The following IKZF1 variants were observed in gnomAD, a reference collection of about 807,000 sequenced individuals.
The protein encoded by IKZF1 is DNA-binding protein Ikaros.
IKZF1 carries 10 observed loss-of-function variants against 51.7 expected under a neutral mutation model. The observed-to-expected ratio is 0.19, with a 90% CI of 0.12 to 0.33. The LOEUF is 0.33. Ranked by LOEUF, IKZF1 falls within the 10% of genes least tolerant of loss-of-function variation. The pLI, the probability that IKZF1 is intolerant of heterozygous loss-of-function variation, is 1.00. For missense variants in IKZF1, 484 were observed against 707.5 expected (o/e 0.68, Z 3.58); for synonymous variants, 280 against 282.3 (o/e 0.99, Z 0.08).
intron 1 of IKZF1, among the ~76,000 whole-genome samples, chr7:50,309,335 T>C (rs1020129952): frequency 1.3e-5 from 2 of 152,202 alleles, no homozygotes; most frequent in African/African-American, 4.8e-5. Context: ...GAGAGAGCAA[T>C]GCAGTAAAAA....
At chr7:50,326,789 G>T (rs1252866738) in intron 2 of IKZF1, among the ~76,000 whole-genome samples, 2 of 152,206 alleles carry the variant, frequency 1.3e-5, no homozygotes, top group Non-Finnish European at 2.9e-5. Flanking sequence ...TGCATGCGGA[G>T]AGGGGATCAT....
In IKZF1 at chr7:50,401,551, C is replaced by T. The variant is rs75552282; in HGVS notation, c.*924C>T. ...TTGAATCTCTCAAACGGCAACATTCCTCAGAAACCAAAGCTTTATTTCAAA... is the reference window on the plus strand; with the variant it reads ...TTGAATCTCTCAAACGGCAACATTCTTCAGAAACCAAAGCTTTATTTCAAA... On this transcript the variant is annotated 3_prime_UTR_variant, in exon 8 of 8. Coordinates refer to ENST00000331340, the MANE Select transcript of IKZF1 (RefSeq NM_006060.6). 259 of 222,688 alleles carry T rather than the reference C, an allele frequency of 1.2e-3. No individual in the cohort carries two copies. The highest frequency in any genetic ancestry group is 2.0e-3 in the Non-Finnish European group (219 of 111,264). The allele number at this position is 222,688 out of a possible 1,614,324, so 13.8% of individuals were successfully genotyped here.
rs1400543831 is a variant in IKZF1, at chr7:50,401,513, ATCT to A, written c.*891_*893del. 4.5e-6 allele frequency: 1 copy of A among 224,222 alleles called. No homozygotes were observed. The highest frequency in any genetic ancestry group is 2.2e-5 in the African/African-American group (1 of 44,774). 13.9% of individuals were successfully genotyped at this position (224,222 alleles called of 1,614,324 possible). On this transcript the variant is annotated 3_prime_UTR_variant, in exon 8 of 8. Transcript: ENST00000331340. ...TTTAAACACCAGTCCCGAAATTTGGATCTTCTTTCTTTTTGAATCTCTCAAACG... is the reference window on the plus strand; with the variant it reads ...TTTAAACACCAGTCCCGAAATTTGGATCTTTCTTTTTGAATCTCTCAAACG...
intron 2 of IKZF1, among the ~76,000 whole-genome samples, chr7:50,324,919 G>A (rs532215619): frequency 7.9e-5 from 12 of 152,204 alleles, no homozygotes; most frequent in African/African-American, 2.4e-4. Flanking sequence ...ATCCTGCAGT[G>A]CTCCAGCATG....
intron 3 of IKZF1, among the ~76,000 whole-genome samples, chr7:50,353,875 C>T (rs949934171): frequency 1.3e-5 from 2 of 152,168 alleles, no homozygotes; most frequent in African/African-American, 2.4e-5. Flanking sequence ...TGTCCCGGGT[C>T]CCCCTGCCCC....
chr7:50,379,432 C>G (rs1019692714), intron 4 of IKZF1, among the ~76,000 whole-genome samples: 3 of 152,194 alleles, frequency 2.0e-5, no homozygotes, highest in Non-Finnish European at 2.9e-5. Context: ...ATTTTCTAAT[C>G]AGCTCATCGG....
At chr7:50,336,543 C>T (rs1312992262) in intron 3 of IKZF1, among the ~76,000 whole-genome samples, 2 of 152,172 alleles carry the variant, frequency 1.3e-5, no homozygotes, top group Non-Finnish European at 2.9e-5. Context: ...TGTCAGATAG[C>T]TCGCCCTTGG....
At chr7:50,374,276 T>C (rs988278108) in intron 3 of IKZF1, among the ~76,000 whole-genome samples, 2 of 152,212 alleles carry the variant, frequency 1.3e-5, no homozygotes, top group Admixed American at 1.3e-4. Flanking sequence ...AACCTGTGGA[T>C]ATAGAAGGCA....
chr7:50,379,328 C>T (rs934666110), intron 4 of IKZF1, among the ~76,000 whole-genome samples: 18 of 152,360 alleles, frequency 1.2e-4, no homozygotes, highest in African/African-American at 4.3e-4. Context: ...ATGGCTGAGT[C>T]AGCTTCTCAG....
At chr7:50,326,651 G>A (rs1795099990) in intron 2 of IKZF1, among the ~76,000 whole-genome samples, 1 of 152,050 alleles carries the variant, frequency 6.6e-6, no homozygotes, top group African/African-American at 2.4e-5. Context: ...ATAAATACAG[G>A]TATTCTGTAA....
intron 3 of IKZF1, among the ~76,000 whole-genome samples, chr7:50,329,206 G>A (rs1281488539): frequency 2.0e-5 from 3 of 151,428 alleles, no homozygotes; most frequent in African/African-American, 7.3e-5. Context: ...GGCACAAACA[G>A]ATAAAGATGG....
At position 50,403,058 on chromosome 7, in the gene IKZF1, C is replaced by T; in HGVS notation, c.*2431C>T. The stretch of plus-strand genomic sequence containing the variant: ...AATTCAAACAAAGCTCAAACCAGAA[C>T]TGTAAATAGTGATTGCAGGAATTCT... On this transcript the variant is annotated 3_prime_UTR_variant, in exon 8 of 8. Coordinates refer to ENST00000331340, the MANE Select transcript of IKZF1 (RefSeq NM_006060.6). The T allele has an allele frequency of 4.4e-6, 1 of 224,866 alleles. No individual in the cohort carries two copies. Among genetic ancestry groups the T allele is most frequent in the Non-Finnish European group, 8.9e-6 (1 of 112,786 alleles). The allele number at this position is 224,866 out of a possible 1,614,324, so 13.9% of individuals were successfully genotyped here. A position where few individuals can be genotyped will look rare whatever the true frequency, so the allele number is the denominator to read the frequency against.
At chr7:50,316,084 G>A (rs1184523578) in intron 1 of IKZF1, among the ~76,000 whole-genome samples, 3 of 152,052 alleles carry the variant, frequency 2.0e-5, no homozygotes, top group South Asian at 4.1e-4. Flanking sequence ...CCACTTTTAC[G>A]AGAAAGTCAC....
upstream of IKZF1, chr7:50,304,308 C>G (rs1168203640): frequency 6.7e-6 from 1 of 149,496 alleles, no homozygotes; most frequent in Non-Finnish European, 1.5e-5. Context: ...CTGCGCCCTT[C>G]TGCGCGCCCC....
At chr7:50,363,390 C>T (rs775755970) in intron 3 of IKZF1, among the ~76,000 whole-genome samples, 13 of 152,042 alleles carry the variant, frequency 8.6e-5, no homozygotes, top group African/African-American at 2.2e-4. Context: ...CTGAAAAGAA[C>T]GAGCTGGTGG....
rs1817929022 is a variant in IKZF1 at position 50,400,625 on chromosome 7, T to TAA, written c.1560_*1dup. The change falls in exon 8 of 8, where the codon TAA becomes TAAAA. Residue 520 remains the stop codon, a frameshift_variant and stop_retained_variant. Transcript: ENST00000331340. LOFTEE classifies it high-confidence loss of function. The surrounding 1 kb of genome is among the most constrained non-coding windows in gnomAD (Gnocchi z 5.4). ...AGGGGAGCACCGCTTCCACATGAGC[T>TAA]AAAGCCCTCCCGCGCCCCCACCCCA... ...TRGEHRFHMS[*] 3 of 1,607,372 alleles carry TAA rather than the reference T, an allele frequency of 1.9e-6. No homozygotes were observed. The highest frequency in any genetic ancestry group is 2.5e-6 in the Non-Finnish European group (3 of 1,179,598).
At chr7:50,336,973 G>A (rs1188940010) in intron 3 of IKZF1, among the ~76,000 whole-genome samples, 1 of 152,116 alleles carries the variant, frequency 6.6e-6, no homozygotes, top group African/African-American at 2.4e-5. Context: ...TGTGTGATTC[G>A]GGTAAAATTT....
chr7:50,333,398 G>A (rs907880664), intron 3 of IKZF1, among the ~76,000 whole-genome samples: 9 of 152,112 alleles, frequency 5.9e-5, no homozygotes, highest in African/African-American at 9.7e-5. Flanking sequence ...GAGCGGTGCT[G>A]GGGACAGCTT....
At chr7:50,368,177 TG>T in intron 3 of IKZF1, 1 of 703,444 alleles carries the variant, frequency 1.4e-6, no homozygotes, top group Non-Finnish European at 2.6e-6. Flanking sequence ...AAATATTCAC[TG>T]TTCTATTCGT....
Sources: allele counts gnomAD v4.1 joint callset (sites outside exome capture counted in the v4.1 genomes callset), GRCh38; gene constraint gnomAD v4.1.1; non-coding constraint Gnocchi (gnomAD v3.1); transcripts MANE v1.5; gene names NCBI Gene and HGNC (gene_info 2026-07-23, HGNC 2026-07-21).